RANBP2: variants seen among roughly 807,000 people sequenced by gnomAD.
The protein encoded by RANBP2 is E3 SUMO-protein ligase RanBP2.
In RANBP2, 57 loss-of-function variants were observed where a neutral mutation model predicts 303.6. The observed-to-expected ratio is 0.19, with a 90% CI of 0.15 to 0.23. The LOEUF (loss-of-function observed/expected upper bound fraction) is 0.23, where lower values mean the gene tolerates loss of function less well. Ranked by LOEUF, RANBP2 falls within the 10% of genes least tolerant of loss-of-function variation. The pLI is 1.00. For synonymous variants in RANBP2, 1,167 were observed against 1,301.5 expected (o/e 0.90, Z 2.23); for missense variants, 3,138 against 3,780.8 (o/e 0.83, Z 4.46).
At chr2:109,082,049 A>G in the RANBP2 span, among the ~76,000 whole-genome samples, 2 of 152,180 alleles carry the variant, frequency 1.3e-5, no homozygotes, top group African/African-American at 4.8e-5. Flanking sequence ...GGCGGAGCCC[A>G]CCTCGGCTGC....
the RANBP2 span, among the ~76,000 whole-genome samples, chr2:109,061,479 G>A: frequency 2.6e-5 from 4 of 152,106 alleles, no homozygotes; most frequent in Non-Finnish European, 4.4e-5. Context: ...CAGCCTGTGT[G>A]CATGGCAAGC....
chr2:109,608,148 T>C, the RANBP2 span, among the ~76,000 whole-genome samples: 1 of 152,232 alleles, frequency 6.6e-6, no homozygotes, highest in East Asian at 1.9e-4. Context: ...TCAAAAATCA[T>C]TTGAGTAATT....
At chr2:108,737,397 G>T (rs1695680927) in intron 6 of RANBP2, among the ~76,000 whole-genome samples, 1 of 145,880 alleles carries the variant, frequency 6.9e-6, no homozygotes, top group Non-Finnish European at 1.5e-5. Flanking sequence ...GGAGTGCAAT[G>T]GAACGACCTT....
the RANBP2 span, among the ~76,000 whole-genome samples, chr2:109,345,413 T>C: frequency 6.6e-6 from 1 of 151,988 alleles, no homozygotes; most frequent in South Asian, 2.1e-4. Flanking sequence ...AGCTGGCCCT[T>C]CCTGCCCACT....
At chr2:109,469,544 A>G in the RANBP2 span, among the ~76,000 whole-genome samples, 94,481 of 151,972 alleles carry the variant, frequency 0.62, 29,711 homozygotes, top group African/African-American at 0.7. Flanking sequence ...TAGGCTGCCT[A>G]GAAAATAACA....
the RANBP2 span, among the ~76,000 whole-genome samples, chr2:109,103,114 T>C: frequency 1.2e-4 from 18 of 152,210 alleles, no homozygotes; most frequent in Admixed American, 2.0e-4. Flanking sequence ...CTCAGCTGTC[T>C]GCTCCCTGGC....
the RANBP2 span, among the ~76,000 whole-genome samples, chr2:109,142,622 G>T: frequency 7.2e-5 from 11 of 152,140 alleles, no homozygotes; most frequent in Non-Finnish European, 1.5e-4. Flanking sequence ...GTTCTCTGGG[G>T]GCAGAACGCC....
the RANBP2 span, among the ~76,000 whole-genome samples, chr2:109,593,423 T>TTTTTTTTA: frequency 2.0e-5 from 3 of 151,452 alleles, no homozygotes; most frequent in African/African-American, 7.3e-5. Context: ...TTTTTTTTTT[T>TTTTTTTTA]GAGACGGCAT....
chr2:109,447,998 C>T, the RANBP2 span, among the ~76,000 whole-genome samples: 1 of 152,176 alleles, frequency 6.6e-6, no homozygotes, highest in Non-Finnish European at 1.5e-5. Flanking sequence ...CTCCAGGCTG[C>T]TGCTGGGAGA....
At chr2:109,486,266 C>G in the RANBP2 span, among the ~76,000 whole-genome samples, 1 of 152,124 alleles carries the variant, frequency 6.6e-6, no homozygotes, top group African/African-American at 2.4e-5. Flanking sequence ...CATTTCAGAC[C>G]CACAGAAGCA....
At chr2:109,636,202 C>G in the RANBP2 span, among the ~76,000 whole-genome samples, 2 of 152,160 alleles carry the variant, frequency 1.3e-5, no homozygotes, top group Non-Finnish European at 2.9e-5. Flanking sequence ...TATAAGCCAC[C>G]AAGTCTGTGA....
At chr2:109,624,044 C>T in the RANBP2 span, among the ~76,000 whole-genome samples, 196 of 152,310 alleles carry the variant, frequency 1.3e-3, no homozygotes, top group Non-Finnish European at 2.2e-3. Context: ...GCTGGGTCTG[C>T]GGTTGACTCA....
At chr2:109,655,316 A>T in the RANBP2 span, among the ~76,000 whole-genome samples, 1 of 152,194 alleles carries the variant, frequency 6.6e-6, no homozygotes, top group Non-Finnish European at 1.5e-5. Flanking sequence ...ATGTCAGAAC[A>T]CAGTCGATAG....
chr2:109,121,265 AAAACAAAACAAAAC>A, the RANBP2 span, among the ~76,000 whole-genome samples: 1 of 148,092 alleles, frequency 6.8e-6, no homozygotes, highest in Non-Finnish European at 1.5e-5. Context: ...AAAACAAAAC[AAAACAAAACAAAAC>A]AAAACAAAAC....
At position 108,775,554 on chromosome 2, in the gene RANBP2, C is replaced by G. The variant is rs182364590; in HGVS notation, c.8293-178C>G. Among the ~76,000 whole-genome samples, 359 of 152,274 alleles carry G rather than the reference C, an allele frequency of 2.4e-3. 2 individuals are homozygous for G. The highest frequency in any genetic ancestry group is 8.5e-3 in the African/African-American group (351 of 41,534). On this transcript the variant is annotated intron_variant, in intron 23 of 28. Transcript: ENST00000283195. ...ACCTTTCTAAGGCTTCTTAGAGGTG[C>G]TCTGTATGTTTCAGTGTAGGCATTT...
the RANBP2 span, among the ~76,000 whole-genome samples, chr2:109,724,086 A>G: frequency 6.6e-6 from 1 of 152,020 alleles, no homozygotes; most frequent in Non-Finnish European, 1.5e-5. Context: ...GTAGGTGTGC[A>G]GTCTTATTTC....
the RANBP2 span, among the ~76,000 whole-genome samples, chr2:109,428,522 C>A: frequency 6.6e-6 from 1 of 152,226 alleles, no homozygotes; most frequent in East Asian, 1.9e-4. Flanking sequence ...CCCCTGGCCC[C>A]ATGCCTGACT....
chr2:109,547,369 GTTT>G, the RANBP2 span, among the ~76,000 whole-genome samples: 4 of 117,876 alleles, frequency 3.4e-5, no homozygotes, highest in African/African-American at 3.2e-5. Flanking sequence ...TAATAAACTT[GTTT>G]TTTTTTTTTT....
the RANBP2 span, chr2:108,812,490 T>C: frequency 1.6e-6 from 1 of 630,424 alleles, no homozygotes. Context: ...TCAGTTGTGA[T>C]CTAAGTTAAT....
Sources: gnomAD v4.1 joint callset for allele counts (sites outside exome capture counted in the v4.1 genomes callset) on GRCh38, gnomAD v4.1.1 for gene constraint, MANE v1.5 for transcripts, NCBI Gene and HGNC (gene_info 2026-07-23, HGNC 2026-07-21) for gene names.